ZFYVE9: variants seen among roughly 807,000 people sequenced by gnomAD.
The protein encoded by ZFYVE9 is zinc finger FYVE-type containing 9, also known as zinc finger FYVE domain-containing protein 9.
Under a neutral mutation model 126.7 loss-of-function variants are expected in ZFYVE9, and 43 were observed. The observed-to-expected ratio is 0.34, with a 90% CI of 0.27 to 0.44. The LOEUF (loss-of-function observed/expected upper bound fraction) is 0.44. ZFYVE9 is among the 20% of genes least tolerant of loss of function. The probability of loss-of-function intolerance (pLI) is 1.00; values close to 1 mark genes in which losing one functional copy is unlikely to be tolerated. For missense variants in ZFYVE9, 1,476 were observed against 1,697.0 expected (o/e 0.87, Z 2.29); for synonymous variants, 521 against 597.4 (o/e 0.87, Z 1.87).
At chr1:52,153,192 CT>C (rs1463375329) in intron 1 of ZFYVE9, among the ~76,000 whole-genome samples, 2 of 152,150 alleles carry the variant, frequency 1.3e-5, no homozygotes, top group African/African-American at 4.8e-5. Context: ...AATGGCAATT[CT>C]TTTTTGAAGG....
At chr1:52,235,266 C>A (rs1050824038) in intron 3 of ZFYVE9, among the ~76,000 whole-genome samples, 9 of 151,390 alleles carry the variant, frequency 5.9e-5, no homozygotes, top group African/African-American at 2.2e-4. Context: ...AAAATGATTT[C>A]TCATTTTGTG....
chr1:52,248,539 A>G (rs1259427746), intron 4 of ZFYVE9, among the ~76,000 whole-genome samples: 3 of 152,214 alleles, frequency 2.0e-5, no homozygotes, highest in Non-Finnish European at 4.4e-5. Context: ...CCATCTAGGC[A>G]TTCCTCAATC....
intron 17 of ZFYVE9, among the ~76,000 whole-genome samples, chr1:52,343,897 C>A (rs575200640): frequency 1.5e-4 from 23 of 152,146 alleles, no homozygotes; most frequent in African/African-American, 5.3e-4. Context: ...CATGGTGAAA[C>A]CCCATCTCTA....
intron 12 of ZFYVE9, among the ~76,000 whole-genome samples, chr1:52,301,879 T>C (rs977873366): frequency 6.6e-6 from 1 of 152,218 alleles, no homozygotes; most frequent in African/African-American, 2.4e-5. Flanking sequence ...GTCTCTTGTT[T>C]TCATTTAGGA....
intron 7 of ZFYVE9, among the ~76,000 whole-genome samples, chr1:52,269,479 A>G (rs1399126877): frequency 6.6e-6 from 1 of 152,124 alleles, no homozygotes; most frequent in Non-Finnish European, 1.5e-5. Context: ...ATTGTTAGTT[A>G]CTAATTATTT....
intron 1 of ZFYVE9, among the ~76,000 whole-genome samples, chr1:52,206,164 A>G (rs547171599): frequency 6.6e-6 from 1 of 152,372 alleles, no homozygotes; most frequent in African/African-American, 2.4e-5. Flanking sequence ...CAGCTATTGT[A>G]GCTGTATCTT....
At chr1:52,272,861 CA>C in intron 7 of ZFYVE9, among the ~76,000 whole-genome samples, 1 of 151,826 alleles carries the variant, frequency 6.6e-6, no homozygotes, top group Admixed American at 6.6e-5. Context: ...GGGATTTCAC[CA>C]TATTGGCCAG....
At chr1:52,208,416 A>T (rs978671511) in intron 1 of ZFYVE9, among the ~76,000 whole-genome samples, 4 of 152,108 alleles carry the variant, frequency 2.6e-5, no homozygotes, top group Non-Finnish European at 4.4e-5. Context: ...AAAATATCGA[A>T]CTAATAGGAA....
At chr1:52,255,964 TTTTC>T (rs1323951883) in intron 4 of ZFYVE9, among the ~76,000 whole-genome samples, 396 of 68,504 alleles carry the variant, frequency 5.8e-3, no homozygotes, top group Middle Eastern at 0.012. Flanking sequence ...TTTTCTTTTC[TTTTC>T]TTTCTTTCTT....
intron 15 of ZFYVE9, chr1:52,335,275 G>A (rs1646378456): frequency 6.5e-6 from 1 of 153,274 alleles, no homozygotes; most frequent in African/African-American, 2.4e-5. Flanking sequence ...CATAACAGAT[G>A]GCTTAAAACA....
At chr1:52,293,376 CAAA>C (rs376379860) in intron 10 of ZFYVE9, 74 bp from the exon 11 acceptor site, 11,938 of 589,680 alleles carry the variant, frequency 0.02, no homozygotes, top group East Asian at 0.031. Flanking sequence ...GACTCCGTCT[CAAA>C]AAAAAAAAAA....
At chr1:52,311,214 C>T (rs1057189034) in intron 13 of ZFYVE9, among the ~76,000 whole-genome samples, 1 of 150,984 alleles carries the variant, frequency 6.6e-6, no homozygotes, top group Non-Finnish European at 1.5e-5. Flanking sequence ...AATGATGAGC[C>T]ATAGTGAAAG....
At chr1:52,192,953 T>G (rs1328819344) in intron 1 of ZFYVE9, among the ~76,000 whole-genome samples, 1 of 152,168 alleles carries the variant, frequency 6.6e-6, no homozygotes, top group Non-Finnish European at 1.5e-5. Flanking sequence ...GGCAGAACAA[T>G]CCACAGCAAT....
rs1553130231 is a variant in ZFYVE9 at position 52,263,767 on chromosome 1, C to CCCCA, written c.2179-5_2179-4insCCAC. On this transcript the variant is annotated splice_polypyrimidine_tract_variant and splice_region_variant and intron_variant, in intron 4 of 18. Transcript: ENST00000287727. ...TTGTGTGTTCTTCCCCCCCCCCCCC[C>CCCCA]CACAGGTTTTCTGTGCTTCCTGCTG... 18 of 1,230,888 alleles carry CCCCA rather than the reference C, an allele frequency of 1.5e-5. No homozygotes were observed. The African/African-American group carries it at 2.2e-4, about 15-fold the overall frequency. The allele number at this position is 1,230,888 out of a possible 1,614,324, so 76.2% of individuals were successfully genotyped here.
intron 13 of ZFYVE9, among the ~76,000 whole-genome samples, chr1:52,327,575 C>T (rs1646304189): frequency 6.6e-6 from 1 of 151,706 alleles, no homozygotes. Context: ...TGCACTCCAG[C>T]CTGAGCGACA....
chr1:52,171,400 T>A (rs1436407841), intron 1 of ZFYVE9, among the ~76,000 whole-genome samples: 1 of 152,218 alleles, frequency 6.6e-6, no homozygotes, highest in African/African-American at 2.4e-5. Context: ...ACTATATCAT[T>A]GTTGGACATT....
rs1333654890 is a variant in ZFYVE9 at position 52,239,072 on chromosome 1, G to A, written c.1655G>A (p.Ser552Asn). The A allele has an allele frequency of 1.6e-5, 26 of 1,614,088 alleles. No homozygotes were observed. The highest frequency in any genetic ancestry group is 2.2e-5 in the Non-Finnish European group (26 of 1,180,000). The change falls in exon 4 of 19, where the codon AGT becomes AAT. Residue 552 changes from serine to asparagine, a missense_variant. Physicochemically the swap from Ser to Asn is conservative, Grantham distance 46. Coordinates refer to ENST00000287727, the MANE Select transcript of ZFYVE9 (RefSeq NM_004799.4). ...AAAAATTATTTACATAATTTCTGTAGTCAAGTTCCATCAGTGCTTGGGCAA... is the reference window on the plus strand; with the variant it reads ...AAAAATTATTTACATAATTTCTGTAATCAAGTTCCATCAGTGCTTGGGCAA... ...MKKNYLHNFC[S>N]QVPSVLGQSS...
At chr1:52,164,416 G>A (rs143638042) in intron 1 of ZFYVE9, among the ~76,000 whole-genome samples, 28 of 151,922 alleles carry the variant, frequency 1.8e-4, no homozygotes, top group Admixed American at 9.8e-4. Context: ...CTTTTAACAC[G>A]TTGGCCAGTC....
chr1:52,155,480 C>T (rs1417557771), intron 1 of ZFYVE9, among the ~76,000 whole-genome samples: 1 of 152,084 alleles, frequency 6.6e-6, no homozygotes, highest in Non-Finnish European at 1.5e-5. Flanking sequence ...GTGGTCCACC[C>T]GCCTCGGCCT....
Sources: gnomAD v4.1 joint callset for allele counts (sites outside exome capture counted in the v4.1 genomes callset) on GRCh38, gnomAD v4.1.1 for gene constraint, MANE v1.5 for transcripts, NCBI Gene and HGNC (gene_info 2026-07-23, HGNC 2026-07-21) for gene names.